RNF220: variants seen among roughly 807,000 people sequenced by gnomAD.
RNF220 encodes ring finger protein 220.
RNF220 carries 7 observed loss-of-function variants against 67.1 expected under a neutral mutation model. That is an observed-to-expected ratio of 0.10 (90% CI 0.06 to 0.20). The LOEUF (loss-of-function observed/expected upper bound fraction) is 0.20. Ranked by LOEUF, RNF220 falls within the 10% of genes least tolerant of loss-of-function variation. RNF220 has a pLI of 1.00. For missense variants in RNF220, 565 were observed against 740.3 expected (o/e 0.76, Z 2.75); for synonymous variants, 270 against 283.2 (o/e 0.95, Z 0.47).
chr1:44,467,114 C>A (rs1397295756), intron 2 of RNF220, among the ~76,000 whole-genome samples: 1 of 152,222 alleles, frequency 6.6e-6, no homozygotes, highest in African/African-American at 2.4e-5. Flanking sequence ...GCAGCTTCTC[C>A]ATCAGCACTT....
chr1:44,604,616 C>G (rs1037975130), intron 2 of RNF220, among the ~76,000 whole-genome samples: 1 of 152,234 alleles, frequency 6.6e-6, no homozygotes, highest in African/African-American at 2.4e-5. Context: ...TGGCCTGGAG[C>G]CTTTGGCTCC....
intron 2 of RNF220, among the ~76,000 whole-genome samples, chr1:44,491,136 G>T (rs868723583): frequency 7.2e-5 from 11 of 152,188 alleles, no homozygotes; most frequent in African/African-American, 2.6e-4. Context: ...TACTTCACTG[G>T]TAAATTCTAC....
rs771408333 is a variant in RNF220, at chr1:44,600,916, A to G, written c.626-13249A>G. Reference sequence around the variant, plus strand: ...TCATCTCTTCAACAAGTACTTATCTATCACACCTCAGCTTGTGTCTCTAGG... The same window carrying G: ...TCATCTCTTCAACAAGTACTTATCTGTCACACCTCAGCTTGTGTCTCTAGG... On this transcript the variant is annotated intron_variant, in intron 2 of 14. Coordinates refer to ENST00000361799, the MANE Select transcript of RNF220 (RefSeq NM_018150.4). The surrounding 1 kb of genome is among the most constrained non-coding windows in gnomAD (Gnocchi z 4.0). Among the ~76,000 whole-genome samples the G allele has an allele frequency of 3.3e-5, 5 of 152,122 alleles. No homozygotes were observed. Among genetic ancestry groups the G allele is most frequent in the Non-Finnish European group, 7.3e-5 (5 of 68,034 alleles).
chr1:44,501,731 G>A (rs1449178354), intron 2 of RNF220, among the ~76,000 whole-genome samples: 1 of 152,026 alleles, frequency 6.6e-6, no homozygotes, highest in Admixed American at 6.5e-5. Flanking sequence ...ACTTGTCAGG[G>A]CTGACTTTGT....
rs1643820221 is a variant in RNF220 at position 44,622,123 on chromosome 1, T to C, written c.759-619T>C. 6.6e-6 allele frequency among the ~76,000 whole-genome samples: 1 copy of C among 152,206 alleles called. No homozygotes were observed. Among genetic ancestry groups the C allele is most frequent in the African/African-American group, 2.4e-5 (1 of 41,460 alleles). On this transcript the variant is annotated intron_variant, in intron 3 of 14. Coordinates refer to ENST00000361799, the MANE Select transcript of RNF220 (RefSeq NM_018150.4). The surrounding 1 kb of genome is among the most constrained non-coding windows in gnomAD (Gnocchi z 4.3). ...AGGATGTGGCCTTGCATACCAATTT[T>C]GTTATTAAACACAGTCCTCGCCTCC... is the stretch of plus-strand genomic sequence containing the variant.
Position 44,526,552 on chromosome 1 carries a change from G to A in RNF220, c.626-87613G>A, listed in dbSNP as rs113846103. ...TAACTCAGTACTATCCAGTACTTGT[G>A]TCCTAACTCAGTACTCATCCTTCCA... On this transcript the variant is annotated intron_variant, in intron 2 of 14. Coordinates refer to ENST00000361799, the MANE Select transcript of RNF220 (RefSeq NM_018150.4). Among the ~76,000 whole-genome samples, 129 of 152,246 alleles carry A rather than the reference G, an allele frequency of 8.5e-4. 2 individuals are homozygous for A. The highest frequency in any genetic ancestry group is 2.6e-3 in the Admixed American group (40 of 15,284).
intron 2 of RNF220, among the ~76,000 whole-genome samples, chr1:44,509,716 C>T (rs1165902847): frequency 2.0e-5 from 3 of 150,048 alleles, no homozygotes; most frequent in Non-Finnish European, 4.4e-5. Context: ...GGCAAAACGC[C>T]ATCTCTACTG....
chr1:44,511,023 A>T (rs1263373384), intron 2 of RNF220, among the ~76,000 whole-genome samples: 1 of 152,204 alleles, frequency 6.6e-6, no homozygotes, highest in Non-Finnish European at 1.5e-5. Flanking sequence ...TGGGGGGATG[A>T]CGGGGAGTGA....
chr1:44,507,875 C>T (rs1362951583), intron 2 of RNF220, among the ~76,000 whole-genome samples: 1 of 151,314 alleles, frequency 6.6e-6, no homozygotes, highest in Admixed American at 6.6e-5. Context: ...GCCCCCCCCT[C>T]ACCACACTCC....
chr1:44,636,949 G>A (rs1481810328), intron 8 of RNF220, among the ~76,000 whole-genome samples: 2 of 152,236 alleles, frequency 1.3e-5, no homozygotes, highest in South Asian at 4.1e-4. Flanking sequence ...CTTGGGCAGG[G>A]GAAAAGGGGA....
Position 44,645,414 on chromosome 1 carries a change from G to C in RNF220, c.1371G>C (p.Met457Ile). Residue 457 changes from methionine to isoleucine, a missense_variant, in exon 12 of 15, where the codon ATG becomes ATC. By Grantham distance (10) the Met-to-Ile change is conservative (BLOSUM62 1). Transcript: ENST00000361799. This position sits in a 1 kb window ranked among gnomAD's most constrained non-coding sequence, Gnocchi z 5.0. ...GTTGCCCCTCTGTCCCAGCAGAGAT[G>C]CCATCCACCAGCAATGGTGAAAGCA... ...PEFSKWASDE[M>I]PSTSNGESSK... is the part of the protein sequence containing the mutation. 6.2e-7 allele frequency: 1 copy of C among 1,614,086 alleles called. No individual in the cohort carries two copies. Among genetic ancestry groups the C allele is most frequent in the African/African-American group, 1.3e-5 (1 of 75,006 alleles).
chr1:44,629,479 A>G (rs1304321366), intron 5 of RNF220, among the ~76,000 whole-genome samples: 1 of 152,158 alleles, frequency 6.6e-6, no homozygotes, highest in Non-Finnish European at 1.5e-5. Flanking sequence ...CTTGCCTTCA[A>G]GGGGTTAGAT....
chr1:44,452,872 A>G (rs2147934999), intron 2 of RNF220, among the ~76,000 whole-genome samples: 2 of 152,290 alleles, frequency 1.3e-5, no homozygotes, highest in South Asian at 4.1e-4. Context: ...TGAACTTTAG[A>G]ATAAATCTGT....
chr1:44,611,527 C>A (rs1643307351), intron 2 of RNF220, among the ~76,000 whole-genome samples: 1 of 152,312 alleles, frequency 6.6e-6, no homozygotes, highest in South Asian at 2.1e-4. Context: ...ACCATTGCCC[C>A]CTTCAGACCC....
At chr1:44,407,406 A>C (rs1010884999) in intron 1 of RNF220, among the ~76,000 whole-genome samples, 1 of 152,112 alleles carries the variant, frequency 6.6e-6, no homozygotes, top group African/African-American at 2.4e-5. Context: ...CTCTTCCTGC[A>C]AAGGGGAATG....
At chr1:44,607,563 T>C (rs935865489) in intron 2 of RNF220, among the ~76,000 whole-genome samples, 4 of 151,082 alleles carry the variant, frequency 2.6e-5, no homozygotes, top group Admixed American at 6.6e-5. Context: ...CTCAGCTCAC[T>C]GCAAGCTCCG....
chr1:44,611,729 C>A (rs1643320346), intron 2 of RNF220, among the ~76,000 whole-genome samples: 2 of 152,028 alleles, frequency 1.3e-5, no homozygotes, highest in Non-Finnish European at 2.9e-5. Context: ...TCTCTTTTTG[C>A]CTTTCCTACT....
chr1:44,492,534 A>G (rs1457333014), intron 2 of RNF220, among the ~76,000 whole-genome samples: 1 of 152,226 alleles, frequency 6.6e-6, no homozygotes, highest in African/African-American at 2.4e-5. Flanking sequence ...CAGCTGATGA[A>G]TGGATAAACA....
chr1:44,587,262 C>T (rs6429543), intron 2 of RNF220, among the ~76,000 whole-genome samples: 36,834 of 151,276 alleles, frequency 0.24, 5,053 homozygotes, highest in East Asian at 0.58. Flanking sequence ...ATTCTCCTGC[C>T]TCAGCCTCCC....
Sources: allele counts gnomAD v4.1 joint callset (sites outside exome capture counted in the v4.1 genomes callset), GRCh38; gene constraint gnomAD v4.1.1; non-coding constraint Gnocchi (gnomAD v3.1); transcripts MANE v1.5; gene names NCBI Gene and HGNC (gene_info 2026-07-23, HGNC 2026-07-21).